The following GLI2 variants were observed in gnomAD, a reference collection of about 807,000 sequenced individuals.
GLI2 encodes transcription activator GLI2.
A neutral mutation model predicts 78.9 loss-of-function variants in GLI2; 22 were observed. That is an observed-to-expected ratio of 0.28 (90% CI 0.20 to 0.40). GLI2 has a LOEUF of 0.40. Among genes scored for constraint, GLI2 ranks in the 10% least tolerant of loss-of-function variants. GLI2 has a pLI of 1.00. For missense variants in GLI2, 2,097 were observed against 2,213.2 expected (o/e 0.95, Z 1.05); for synonymous variants, 974 against 963.7 (o/e 1.01, Z -0.20).
At chr2:120,964,269 T>A (rs895546) in intron 5 of GLI2, among the ~76,000 whole-genome samples, 142,496 of 152,278 alleles carry the variant, frequency 0.94, 66,758 homozygotes, top group East Asian at 1. Flanking sequence ...TGAGCAGGTG[T>A]TATGGAGGAG....
intron 2 of GLI2, among the ~76,000 whole-genome samples, chr2:120,899,737 C>A (rs892134653): frequency 6.6e-6 from 1 of 152,170 alleles, no homozygotes; most frequent in African/African-American, 2.4e-5. Flanking sequence ...CTTGTGGCTA[C>A]TCTGAGGGTT....
chr2:120,857,207 G>A (rs931961283), intron 2 of GLI2, among the ~76,000 whole-genome samples: 2 of 152,128 alleles, frequency 1.3e-5, no homozygotes, highest in Non-Finnish European at 2.9e-5. Flanking sequence ...GAGGAAAGAG[G>A]AGTGAGGTGG....
chr2:120,914,411 G>A (rs758614362), intron 2 of GLI2, among the ~76,000 whole-genome samples: 1 of 152,244 alleles, frequency 6.6e-6, no homozygotes, highest in Non-Finnish European at 1.5e-5. Flanking sequence ...TGGGAGCCAT[G>A]GTCCTCTGGG....
intron 4 of GLI2, among the ~76,000 whole-genome samples, chr2:120,953,135 A>G (rs2104957123): frequency 6.6e-6 from 1 of 152,358 alleles, no homozygotes; most frequent in Middle Eastern, 3.4e-3. Context: ...TCATTAAGTT[A>G]GGTCTCTTAA....
chr2:120,959,228 C>T (rs989266405), intron 5 of GLI2, among the ~76,000 whole-genome samples: 2 of 152,298 alleles, frequency 1.3e-5, no homozygotes, highest in South Asian at 4.1e-4. Context: ...ACCCCACCCG[C>T]TGTGCCTTCT....
chr2:120,936,154 T>C (rs1295260632), intron 3 of GLI2, among the ~76,000 whole-genome samples: 1 of 152,204 alleles, frequency 6.6e-6, no homozygotes. Flanking sequence ...ATCTTGCCTA[T>C]GCTGCTTATA....
At chr2:120,963,346 G>A (rs563968730) in intron 5 of GLI2, among the ~76,000 whole-genome samples, 1 of 152,382 alleles carries the variant, frequency 6.6e-6, no homozygotes, top group East Asian at 1.9e-4. Context: ...GGGAAAGAGA[G>A]GCTCAGGAAA....
intron 1 of GLI2, among the ~76,000 whole-genome samples, chr2:120,777,984 CA>C (rs1430802593): frequency 6.6e-6 from 1 of 152,070 alleles, no homozygotes; most frequent in Non-Finnish European, 1.5e-5. Flanking sequence ...AGGCAGCCCC[CA>C]CCCGGCTAGG....
chr2:120,907,572 C>T (rs905482846), intron 2 of GLI2, among the ~76,000 whole-genome samples: 9 of 152,198 alleles, frequency 5.9e-5, no homozygotes, highest in African/African-American at 1.9e-4. Flanking sequence ...AAAGAACAGT[C>T]ACCATCTGCA....
At chr2:120,849,367 C>T (rs887703419) in intron 2 of GLI2, among the ~76,000 whole-genome samples, 1 of 152,084 alleles carries the variant, frequency 6.6e-6, no homozygotes, top group African/African-American at 2.4e-5. Flanking sequence ...AAATGGGTGT[C>T]GTTGATTCCT....
chr2:120,790,217 T>C (rs1379965445), intron 1 of GLI2, among the ~76,000 whole-genome samples: 6 of 152,160 alleles, frequency 3.9e-5, no homozygotes, highest in Admixed American at 2.0e-4. Context: ...ACCAAATCCA[T>C]AGAGAAACAG....
chr2:120,990,386 C>T lies in GLI2; in HGVS notation c.4421C>T (p.Pro1474Leu). The change falls in exon 14 of 14, where the codon CCA becomes CTA. Residue 1474 changes from proline (P) to leucine (L), a missense_variant. Physicochemically the swap from Pro to Leu is moderately conservative, Grantham distance 98 (BLOSUM62 -3). Coordinates refer to ENST00000361492, the MANE Select transcript of GLI2 (RefSeq NM_001374353.1). ...DSIQPQPLPS[P>L]GVNQVSSTVD... ...ATCCAGCCCCAGCCCTTGCCCTCACCAGGGGTCAACCAGGTGTCCAGCACT... is the reference window on the plus strand; with the variant it reads ...ATCCAGCCCCAGCCCTTGCCCTCACTAGGGGTCAACCAGGTGTCCAGCACT... The T allele has an allele frequency of 6.2e-7, 1 of 1,614,144 alleles. No homozygotes were observed. Among genetic ancestry groups the T allele is most frequent in the Non-Finnish European group, 8.5e-7 (1 of 1,180,024 alleles).
chr2:120,850,540 C>T (rs1687354347), intron 2 of GLI2, among the ~76,000 whole-genome samples: 2 of 152,128 alleles, frequency 1.3e-5, no homozygotes, highest in South Asian at 4.2e-4. Context: ...ATATCTTTGG[C>T]CTTTACTTAA....
At chr2:120,974,218 T>G (rs994369743) in intron 8 of GLI2, among the ~76,000 whole-genome samples, 3 of 152,118 alleles carry the variant, frequency 2.0e-5, no homozygotes, top group Admixed American at 6.5e-5. Flanking sequence ...CCGTGGACTT[T>G]CCGTCCCTAC....
intron 3 of GLI2, among the ~76,000 whole-genome samples, chr2:120,942,417 G>A (rs568161620): frequency 7.2e-4 from 109 of 152,214 alleles, no homozygotes; most frequent in African/African-American, 2.6e-3. Flanking sequence ...TCTCCCTGTC[G>A]CATGGCCATC....
intron 2 of GLI2, among the ~76,000 whole-genome samples, chr2:120,896,440 GC>G (rs1443950253): frequency 6.6e-6 from 1 of 152,132 alleles, no homozygotes; most frequent in Admixed American, 6.5e-5. Context: ...TATTAGCCAG[GC>G]CCACCAAGCT....
chr2:120,752,035 A>G (rs1344709944), intron 1 of GLI2, among the ~76,000 whole-genome samples: 1 of 152,212 alleles, frequency 6.6e-6, no homozygotes, highest in African/African-American at 2.4e-5. Context: ...GACCCCCACT[A>G]GAGAGAACGG....
At chr2:120,956,706 G>A (rs1384332754) in intron 5 of GLI2, among the ~76,000 whole-genome samples, 2 of 152,076 alleles carry the variant, frequency 1.3e-5, no homozygotes, top group African/African-American at 4.8e-5. Context: ...ATAGCCCACG[G>A]CAGGGAGACA....
intron 2 of GLI2, among the ~76,000 whole-genome samples, chr2:120,925,642 A>G (rs1486425338): frequency 6.6e-6 from 1 of 152,176 alleles, no homozygotes; most frequent in African/African-American, 2.4e-5. Flanking sequence ...TAGAATGGTG[A>G]ATGTGCAGGG....
Sources: gnomAD v4.1 joint callset for allele counts (sites outside exome capture counted in the v4.1 genomes callset) on GRCh38, gnomAD v4.1.1 for gene constraint, MANE v1.5 for transcripts, NCBI Gene and HGNC (gene_info 2026-07-23, HGNC 2026-07-21) for gene names.